CDK1: variants seen among roughly 807,000 people sequenced by gnomAD.
CDK1 encodes the protein cyclin-dependent kinase 1.
Under a neutral mutation model 34.6 loss-of-function variants are expected in CDK1, and 5 were observed. The ratio of observed to expected loss-of-function variants is 0.14; its 90% confidence interval spans 0.08 to 0.30. The LOEUF (loss-of-function observed/expected upper bound fraction) is 0.30, where lower values mean the gene tolerates loss of function less well. CDK1 is among the 10% of genes least tolerant of loss of function. The pLI, the probability that CDK1 is intolerant of heterozygous loss-of-function variation, is 1.00. For synonymous variants in CDK1, 108 were observed against 114.7 expected (o/e 0.94, Z 0.37); for missense variants, 157 against 345.7 (o/e 0.45, Z 4.33).
intron 2 of CDK1, among the ~76,000 whole-genome samples, chr10:60,783,781 T>C (rs2080292344): frequency 6.6e-6 from 1 of 152,208 alleles, no homozygotes; most frequent in Non-Finnish European, 1.5e-5. Flanking sequence ...TTGTTGCTCA[T>C]TACCTGAAGC....
chr10:60,781,707 A>G (rs1280125931), intron 2 of CDK1, among the ~76,000 whole-genome samples: 1 of 152,226 alleles, frequency 6.6e-6, no homozygotes, highest in African/African-American at 2.4e-5. Flanking sequence ...AGTTTTGGCA[A>G]TGGCTGTTCT....
At chr10:60,787,848 G>A in intron 4 of CDK1, 1 of 313,454 alleles carries the variant, frequency 3.2e-6, no homozygotes, top group East Asian at 5.0e-5. Flanking sequence ...CTATAGATAT[G>A]TCTATAAGGT....
At chr10:60,786,393 T>C in intron 4 of CDK1, 2 of 791,290 alleles carry the variant, frequency 2.5e-6, no homozygotes, top group Non-Finnish European at 3.1e-6. Flanking sequence ...TTTCCCTTTT[T>C]TGTGTAAAAC....
chr10:60,784,412 T>G (rs959474514), intron 2 of CDK1, among the ~76,000 whole-genome samples: 9 of 152,122 alleles, frequency 5.9e-5, no homozygotes, highest in Non-Finnish European at 8.8e-5. Flanking sequence ...GGTAGATTGC[T>G]TGAGCTCACG....
chr10:60,789,525 T>A (rs2132072802), intron 5 of CDK1, among the ~76,000 whole-genome samples: 1 of 151,866 alleles, frequency 6.6e-6, no homozygotes, highest in Admixed American at 6.5e-5. Flanking sequence ...ATCCTTGTTG[T>A]CATAAATGAC....
At chr10:60,779,545 T>G (rs1363642280) in intron 1 of CDK1, among the ~76,000 whole-genome samples, 1 of 152,170 alleles carries the variant, frequency 6.6e-6, no homozygotes, top group East Asian at 1.9e-4. Context: ...TTGGAAAAAG[T>G]ACCTTGAAAG....
Position 60,793,990 on chromosome 10 carries a change from G to GT in CDK1, c.*18dup. On this transcript the variant is annotated 3_prime_UTR_variant, in exon 8 of 8. Transcript: ENST00000395284. ...AGAAGATGTAGCTTTCTGACAAAAA[G>GT]TTTCCATATGTTATATCAACAGATA... 2 of 1,239,428 alleles carry GT rather than the reference G, an allele frequency of 1.6e-6. No individual in the cohort carries two copies. The highest frequency in any genetic ancestry group is 2.8e-5 in the South Asian group (2 of 72,302). The allele number at this position is 1,239,428 out of a possible 1,614,324, so 76.8% of individuals were successfully genotyped here.
chr10:60,784,605 G>A, intron 2 of CDK1, 100 bp from the exon 3 acceptor site: 7 of 1,010,480 alleles, frequency 6.9e-6, no homozygotes, highest in Non-Finnish European at 1.0e-5. Flanking sequence ...ACTCCAACCT[G>A]GACAAGAAAA....
chr10:60,784,905 T>G (rs1440871494), intron 3 of CDK1, 44 bp downstream of exon 3: 1 of 1,540,716 alleles, frequency 6.5e-7, no homozygotes, highest in Admixed American at 1.8e-5. Context: ...TGCATGCTAT[T>G]TCAAATATAA....
chr10:60,786,068 C>T (rs3213050), intron 4 of CDK1: 12 of 1,046,824 alleles, frequency 1.1e-5, no homozygotes, highest in African/African-American at 1.7e-5. Flanking sequence ...CTGTCAGATA[C>T]ATGTAAAACA....
chr10:60,782,805 T>A lies in CDK1; in HGVS notation c.38-1900T>A, dbSNP rs1267419321. 3.3e-5 allele frequency among the ~76,000 whole-genome samples: 5 copies of A among 152,282 alleles called. No individual in the cohort carries two copies. The East Asian group carries it at 9.7e-4, about 29-fold the overall frequency. On this transcript the variant is annotated intron_variant, in intron 2 of 7. Transcript: ENST00000395284. ...TTCATTTTGGAGGATATGCCATGTATTTCAAAAATAATTTTGGATGATTAA... is the reference window on the plus strand; with the variant it reads ...TTCATTTTGGAGGATATGCCATGTAATTCAAAAATAATTTTGGATGATTAA...
intron 5 of CDK1, among the ~76,000 whole-genome samples, chr10:60,789,898 A>G (rs187317523): frequency 7.9e-4 from 120 of 152,272 alleles, no homozygotes; most frequent in Non-Finnish European, 1.4e-3. Context: ...CTTTCTCTGC[A>G]TCCTTATCAG....
chr10:60,778,591 G>A (rs990094374), intron 1 of CDK1, 21 bp downstream of exon 1: 3 of 152,444 alleles, frequency 2.0e-5, no homozygotes, highest in African/African-American at 7.2e-5. Flanking sequence ...TGGGGTCAGG[G>A]TCGTGTCTAG....
At chr10:60,787,952 C>G (rs2080330078) in intron 4 of CDK1, 108 bp from the exon 5 acceptor site, 1 of 588,170 alleles carries the variant, frequency 1.7e-6, no homozygotes, top group Non-Finnish European at 2.9e-6. Context: ...CCTGAAAGCT[C>G]TAGTAATTAA....
At chr10:60,780,346 T>C (rs925972715) in intron 2 of CDK1, 144 bp downstream of exon 2, 1 of 616,720 alleles carries the variant, frequency 1.6e-6, no homozygotes, top group African/African-American at 1.9e-5. Context: ...TGTTCTTTAC[T>C]TAATAAACGC....
intron 1 of CDK1, among the ~76,000 whole-genome samples, chr10:60,779,739 A>G (rs767110718): frequency 2.0e-5 from 3 of 152,236 alleles, no homozygotes; most frequent in Non-Finnish European, 4.4e-5. Context: ...TAAAATTAGG[A>G]GTATCATAAA....
At chr10:60,784,365 C>T (rs2132066179) in intron 2 of CDK1, among the ~76,000 whole-genome samples, 1 of 152,262 alleles carries the variant, frequency 6.6e-6, no homozygotes, top group East Asian at 1.9e-4. Context: ...TGCGGTGGCT[C>T]ACGCCTGTAA....
At chr10:60,787,035 A>C (rs2080322481) in intron 4 of CDK1, 1 of 984,368 alleles carries the variant, frequency 1.0e-6, no homozygotes, top group Non-Finnish European at 1.2e-6. Flanking sequence ...TTTTGACTTA[A>C]AAACTGGGAT....
chr10:60,789,085 T>G (rs1359575049), intron 5 of CDK1, among the ~76,000 whole-genome samples: 1 of 152,140 alleles, frequency 6.6e-6, no homozygotes, highest in Non-Finnish European at 1.5e-5. Flanking sequence ...CTTATTCACG[T>G]TTTTTAAATA....
Sources: allele counts gnomAD v4.1 joint callset (sites outside exome capture counted in the v4.1 genomes callset), GRCh38; gene constraint gnomAD v4.1.1; transcripts MANE v1.5; gene names NCBI Gene and HGNC (gene_info 2026-07-23, HGNC 2026-07-21).